ACBD6: variants seen among roughly 807,000 people sequenced by gnomAD.
ACBD6 encodes acyl-CoA binding domain containing 6, also known as acyl-CoA-binding domain-containing protein 6.
A neutral mutation model predicts 37.2 loss-of-function variants in ACBD6; 28 were observed. That is an observed-to-expected ratio of 0.75 (90% CI 0.56 to 1.03). The LOEUF is 1.03. ACBD6 is among the 50% of genes least tolerant of loss of function. ACBD6 has a pLI of 0.00. For missense variants in ACBD6, 340 were observed against 337.4 expected, an observed-to-expected ratio of 1.01 and a Z score of -0.06; for synonymous variants, 113 against 126.8, an observed-to-expected ratio of 0.89 and a Z score of 0.73.
chr1:180,280,372 G>T (rs1225469161), intron 9 of ACBD6, among the ~76,000 whole-genome samples: 1 of 148,540 alleles, frequency 6.7e-6, no homozygotes, highest in Non-Finnish European at 1.5e-5. Context: ...AAAAAAAAAT[G>T]CACTACATAG....
At chr1:180,422,055 TAG>T (rs1557863100) in intron 4 of ACBD6, among the ~76,000 whole-genome samples, 1 of 152,210 alleles carries the variant, frequency 6.6e-6, no homozygotes, top group Non-Finnish European at 1.5e-5. Context: ...CAAATCATAG[TAG>T]AGTCTCTAAG....
In ACBD6 at chr1:180,498,965, G is replaced by A. The variant is rs909509332; in HGVS notation, c.222+3080C>T. Reference sequence around the variant, plus strand: ...AGCTGTCAATTAGCTATCTTTAGGAGGGAGAGTGTAGGCTGATGTAAAGAA... The same window carrying A: ...AGCTGTCAATTAGCTATCTTTAGGAAGGAGAGTGTAGGCTGATGTAAAGAA... On this transcript the variant is annotated intron_variant, in intron 1 of 7. Coordinates refer to ENST00000367595, the MANE Select transcript of ACBD6 (RefSeq NM_032360.4). Among the ~76,000 whole-genome samples, 7 of 152,110 alleles carry A rather than the reference G, an allele frequency of 4.6e-5. No individual in the cohort carries two copies. The East Asian group carries it at 1.3e-3, about 29-fold the overall frequency.
intron 6 of ACBD6, among the ~76,000 whole-genome samples, chr1:180,349,632 C>G (rs978995407): frequency 6.6e-6 from 1 of 151,970 alleles, no homozygotes; most frequent in Non-Finnish European, 1.5e-5. Flanking sequence ...AAAGCAACCA[C>G]TAAAGTTAGC....
intron 6 of ACBD6, among the ~76,000 whole-genome samples, chr1:180,343,936 T>G (rs970321339): frequency 2.5e-4 from 11 of 43,890 alleles, no homozygotes; most frequent in Admixed American, 1.1e-3. Flanking sequence ...GAAAAGTAAA[T>G]ATAGTTGGCT....
intron 3 of ACBD6, among the ~76,000 whole-genome samples, chr1:180,439,397 A>T (rs1335948615): frequency 6.6e-6 from 1 of 152,176 alleles, no homozygotes. Context: ...ATCCTGGCTA[A>T]CATGGTGAAA....
At chr1:180,493,215 T>A (rs1651574362) in intron 2 of ACBD6, among the ~76,000 whole-genome samples, 1 of 113,534 alleles carries the variant, frequency 8.8e-6, no homozygotes, top group Non-Finnish European at 1.6e-5. Context: ...ACCACCACAC[T>A]CCAGCCTGGG....
At chr1:180,410,417 C>T (rs1243110209) in intron 5 of ACBD6, among the ~76,000 whole-genome samples, 2 of 152,124 alleles carry the variant, frequency 1.3e-5, no homozygotes, top group Non-Finnish European at 2.9e-5. Flanking sequence ...GAAGTCAATA[C>T]CTGGCCTCAA....
At chr1:180,475,276 G>C (rs151054181) in intron 3 of ACBD6, among the ~76,000 whole-genome samples, 31 of 152,302 alleles carry the variant, frequency 2.0e-4, no homozygotes, top group African/African-American at 6.7e-4. Context: ...CACCATCTCG[G>C]AAAGTTTCCT....
At chr1:180,285,656 T>A (rs1237790190), downstream of ACBD6, among the ~76,000 whole-genome samples, 1 of 152,158 alleles carries the variant, frequency 6.6e-6, no homozygotes, top group African/African-American at 2.4e-5. Flanking sequence ...TGTGCTACAA[T>A]CACACACATT....
chr1:180,483,028 T>G (rs905391722), intron 3 of ACBD6, among the ~76,000 whole-genome samples: 1 of 152,190 alleles, frequency 6.6e-6, no homozygotes, highest in Non-Finnish European at 1.5e-5. Flanking sequence ...TCAGTATATT[T>G]CGCTTCTCAG....
At chr1:180,434,523 C>T (rs1207714150) in intron 3 of ACBD6, among the ~76,000 whole-genome samples, 1 of 152,126 alleles carries the variant, frequency 6.6e-6, no homozygotes. Context: ...TAACAGTGGC[C>T]ACCTATGAGA....
chr1:180,381,448 G>GAC (rs1653644529), intron 6 of ACBD6, among the ~76,000 whole-genome samples: 1 of 152,092 alleles, frequency 6.6e-6, no homozygotes, highest in Admixed American at 6.6e-5. Context: ...AATTCTCCAG[G>GAC]ACAGACCATA....
chr1:180,301,233 G>T (rs1366551586), intron 7 of ACBD6, among the ~76,000 whole-genome samples: 1 of 152,122 alleles, frequency 6.6e-6, no homozygotes, highest in Non-Finnish European at 1.5e-5. Context: ...ACACAGAAGA[G>T]TACCAAAATC....
chr1:180,477,502 T>A (rs1386732362), intron 3 of ACBD6, among the ~76,000 whole-genome samples: 1 of 152,184 alleles, frequency 6.6e-6, no homozygotes, highest in Non-Finnish European at 1.5e-5. Context: ...GGTTAATAAA[T>A]TTGGCCCAAA....
chr1:180,454,530 C>G, intron 3 of ACBD6, among the ~76,000 whole-genome samples: 1 of 152,122 alleles, frequency 6.6e-6, no homozygotes, highest in East Asian at 1.9e-4. Context: ...CAAGTGGGAT[C>G]TAATTAAACT....
intron 1 of ACBD6, among the ~76,000 whole-genome samples, chr1:180,496,440 G>C (rs138531702): frequency 6.6e-6 from 1 of 152,100 alleles, no homozygotes; most frequent in East Asian, 1.9e-4. Context: ...TACTTCTCAG[G>C]GATTTTCCCA....
intron 7 of ACBD6, among the ~76,000 whole-genome samples, chr1:180,291,732 G>A (rs1472173584): frequency 6.6e-6 from 1 of 150,440 alleles, no homozygotes; most frequent in African/African-American, 2.4e-5. Flanking sequence ...TTTATAGTTT[G>A]TGCTTGTGTT....
chr1:180,457,691 A>C (rs1571537058), intron 3 of ACBD6, among the ~76,000 whole-genome samples: 1 of 152,184 alleles, frequency 6.6e-6, no homozygotes, highest in East Asian at 1.9e-4. Flanking sequence ...TTAATAGAAG[A>C]AGCCAGAGAA....
In ACBD6 at chr1:180,454,202, C is replaced by T. The variant is rs151335857; in HGVS notation, c.385-23940G>A. Among the ~76,000 whole-genome samples the T allele has an allele frequency of 2.2e-3, 327 of 152,074 alleles. 1 individual carries two copies. The highest frequency in any genetic ancestry group is 2.7e-3 in the Non-Finnish European group (186 of 67,976). ...AGACAGACCAATGAAACAGAACAGA[C>T]GCCTCAGAAATAACACCACGTATCT... On this transcript the variant is annotated intron_variant, in intron 3 of 7. Coordinates refer to ENST00000367595, the MANE Select transcript of ACBD6 (RefSeq NM_032360.4).
Sources: gnomAD v4.1 joint callset for allele counts (sites outside exome capture counted in the v4.1 genomes callset) on GRCh38, gnomAD v4.1.1 for gene constraint, MANE v1.5 for transcripts, NCBI Gene and HGNC (gene_info 2026-07-23, HGNC 2026-07-21) for gene names.